Variants in POLR1A observed in about 807,000 individuals in gnomAD.
The protein encoded by POLR1A is RNA polymerase I subunit A, also known as DNA-directed RNA polymerase I subunit RPA1.
In POLR1A, 84 loss-of-function variants were observed where a neutral mutation model predicts 205.3. That is an observed-to-expected ratio of 0.41 (90% CI 0.34 to 0.49). The LOEUF (loss-of-function observed/expected upper bound fraction) is 0.49, where lower values mean the gene tolerates loss of function less well. POLR1A is among the 20% of genes least tolerant of loss of function. The probability of loss-of-function intolerance (pLI) is 0.22; values close to 1 mark genes in which losing one functional copy is unlikely to be tolerated. For synonymous variants in POLR1A, 799 were observed against 863.7 expected (o/e 0.93, Z 1.31); for missense variants, 1,645 against 2,204.5 (o/e 0.75, Z 5.08).
At chr2:86,030,553 GCT>G (rs1390732833) in intron 30 of POLR1A, among the ~76,000 whole-genome samples, 157 bp from the exon 31 acceptor site, 1 of 152,138 alleles carries the variant, frequency 6.6e-6, no homozygotes, top group Non-Finnish European at 1.5e-5. Context: ...ATTGGAGATG[GCT>G]GAACTGTGTA....
intron 20 of POLR1A, 66 bp downstream of exon 20, chr2:86,045,551 A>AT: frequency 6.4e-7 from 1 of 1,550,512 alleles, no homozygotes; most frequent in Non-Finnish European, 8.9e-7. Context: ...TAGGGCAGTC[A>AT]TAGTTCACCT....
chr2:86,038,893 C>A (rs771157463), intron 26 of POLR1A, 36 bp from the exon 27 acceptor site: 2 of 1,609,010 alleles, frequency 1.2e-6, no homozygotes, highest in East Asian at 4.5e-5. Context: ...TTGACTTGTT[C>A]AGGTCCTAGG....
rs751013341 is a variant in POLR1A at position 86,027,546 on chromosome 2, T to A, written c.5063-23A>T. 1.9e-6 allele frequency: 3 copies of A among 1,592,238 alleles called. No individual in the cohort carries two copies. The African/African-American group carries it at 4.0e-5, about 21-fold the overall frequency. ...ATCCTGACAGAGACACAAAAACATG[T>A]GTCAGGGTGTTGAGGTAGAAGTTGG... On this transcript the variant is annotated intron_variant, in intron 33 of 33. Coordinates refer to ENST00000263857, the MANE Select transcript of POLR1A (RefSeq NM_015425.6).
At chr2:86,066,243 G>A (rs945558667) in intron 13 of POLR1A, among the ~76,000 whole-genome samples, 1 of 152,148 alleles carries the variant, frequency 6.6e-6, no homozygotes, top group African/African-American at 2.4e-5. Flanking sequence ...GTGCATGACT[G>A]CAGAAGGGAG....
rs554973951 is a variant in POLR1A at position 86,070,353 on chromosome 2, G to T, written c.1612-81C>A. 3.8e-5 allele frequency: 55 copies of T among 1,440,994 alleles called. No homozygotes were observed. Among genetic ancestry groups the T allele is most frequent in the East Asian group, 9.2e-5 (4 of 43,456 alleles). The allele number at this position is 1,440,994 out of a possible 1,614,324, so 89.3% of individuals were successfully genotyped here. ...TCTTTCCAAGTGCTCACCTCAGCTT[G>T]ACCAAGGTGTGGCTTTTGTCTCACG... On this transcript the variant is annotated intron_variant, in intron 12 of 33. Coordinates refer to ENST00000263857, the MANE Select transcript of POLR1A (RefSeq NM_015425.6). The surrounding 1 kb of genome is among the most constrained non-coding windows in gnomAD (Gnocchi z 4.4).
chr2:86,099,718 G>A (rs576031218), intron 2 of POLR1A, among the ~76,000 whole-genome samples: 1 of 151,988 alleles, frequency 6.6e-6, no homozygotes, highest in Non-Finnish European at 1.5e-5. Flanking sequence ...AACTCTCCCC[G>A]ACCCTCCACG....
At chr2:86,032,195 C>G in intron 29 of POLR1A, 77 bp downstream of exon 29, 1 of 1,003,758 alleles carries the variant, frequency 1.0e-6, no homozygotes, top group Non-Finnish European at 1.6e-6. Flanking sequence ...GGCCTGGGTG[C>G]CGGGAGATAA....
In POLR1A at chr2:86,027,376, C is replaced by A. The variant is rs1199329586; in HGVS notation, c.*47G>T. On this transcript the variant is annotated 3_prime_UTR_variant, in exon 34 of 34. Coordinates refer to ENST00000263857, the MANE Select transcript of POLR1A (RefSeq NM_015425.6). The stretch of plus-strand genomic sequence containing the variant: ...ATGCAGAAGGCAGGCTGGGCCACGC[C>A]CTCACCAAGGGTCCTTGGAGCTGGG... The A allele has an allele frequency of 4.0e-6, 6 of 1,503,874 alleles. No individual in the cohort carries two copies. Among genetic ancestry groups the A allele is most frequent in the Non-Finnish European group, 9.3e-7 (1 of 1,079,620 alleles). 93.2% of individuals were successfully genotyped at this position (1,503,874 alleles called of 1,614,324 possible).
In POLR1A at chr2:86,078,194, G is replaced by A; in HGVS notation, c.1177C>T (p.Arg393Cys). The change falls in exon 10 of 34, where the codon CGC (arginine) becomes TGC (cysteine). Residue 393 changes from arginine to cysteine, a missense_variant. Around this residue, in one of 16 missense-constraint regions of POLR1A, gnomAD observed 131 missense variants for 214.5 expected, o/e 0.61. Transcript: ENST00000263857. ...LIDKLYNIWIRLQSHVNIVFD... is the reference protein window; with the variant it reads ...LIDKLYNIWICLQSHVNIVFD... ...ACAATATTGACGTGGCTCTGAAGGC[G>A]AATCCAAATGTTGTAAAGTTTGTCT... is the stretch of plus-strand genomic sequence containing the variant. The A allele has an allele frequency of 1.9e-6, 3 of 1,613,184 alleles. No individual in the cohort carries two copies. Among genetic ancestry groups the A allele is most frequent in the Non-Finnish European group, 2.5e-6 (3 of 1,179,840 alleles).
chr2:86,030,147 G>T, intron 31 of POLR1A, 49 bp downstream of exon 31: 1 of 1,482,650 alleles, frequency 6.7e-7, no homozygotes, highest in Non-Finnish European at 9.4e-7. Flanking sequence ...GAGACAACGT[G>T]GGGTGAGGAC....
chr2:86,029,762 A>AT lies in POLR1A; in HGVS notation c.4779+433dup, dbSNP rs956846530. On this transcript the variant is annotated intron_variant, in intron 31 of 33. Coordinates refer to ENST00000263857, the MANE Select transcript of POLR1A (RefSeq NM_015425.6). ...CAGGCACCCGTCACCATGCCCGGCT[A>AT]TTTTTTTTTTGTATTTTTTAGTAGA... 4.9e-4 allele frequency among the ~76,000 whole-genome samples: 71 copies of AT among 143,764 alleles called. 1 individual carries two copies. The highest frequency in any genetic ancestry group is 3.6e-3 in the Middle Eastern group (1 of 278). The allele number at this position is 143,764 out of a possible 152,430, so 94.3% of individuals were successfully genotyped here.
intron 18 of POLR1A, among the ~76,000 whole-genome samples, chr2:86,048,403 GC>G (rs1672743543): frequency 6.6e-6 from 1 of 152,184 alleles, no homozygotes; most frequent in Non-Finnish European, 1.5e-5. Flanking sequence ...GTGAGGTGGT[GC>G]CCCTCACAGC....
chr2:86,056,814 C>A (rs1021995613), intron 14 of POLR1A, among the ~76,000 whole-genome samples: 2 of 152,172 alleles, frequency 1.3e-5, no homozygotes, highest in African/African-American at 4.8e-5. Flanking sequence ...GTTTTGCTGA[C>A]TATTTCAAGT....
intron 3 of POLR1A, among the ~76,000 whole-genome samples, chr2:86,095,760 C>T (rs1314152066): frequency 7.3e-5 from 11 of 150,206 alleles, no homozygotes. Flanking sequence ...TGGAGTCTTG[C>T]TCTGTTACCC....
At chr2:86,039,982 C>T (rs1276665580) in intron 25 of POLR1A, 1 of 193,032 alleles carries the variant, frequency 5.2e-6, no homozygotes, top group Non-Finnish European at 1.1e-5. Context: ...TCCCCTTGTC[C>T]AGCACATATA....
intron 9 of POLR1A, 53 bp downstream of exon 9, chr2:86,080,763 G>A: frequency 7.9e-7 from 1 of 1,262,094 alleles, no homozygotes; most frequent in Non-Finnish European, 1.1e-6. Context: ...ACAGCTCACA[G>A]AGTTAGCACT....
At chr2:86,090,251 C>A (rs901588712) in intron 3 of POLR1A, among the ~76,000 whole-genome samples, 1 of 151,944 alleles carries the variant, frequency 6.6e-6, no homozygotes, top group African/African-American at 2.4e-5. Context: ...AAAACTTAGC[C>A]AGGTGTGGTG....
At chr2:86,033,436 G>A (rs958027553) in intron 28 of POLR1A, among the ~76,000 whole-genome samples, 3 of 152,262 alleles carry the variant, frequency 2.0e-5, no homozygotes, top group Non-Finnish European at 2.9e-5. Flanking sequence ...GGCCTGCCCC[G>A]GGGCTGGCTA....
rs1050472014 is a variant in POLR1A at position 86,039,475 on chromosome 2, A to G, written c.3741-13T>C. On this transcript the variant is annotated splice_polypyrimidine_tract_variant and intron_variant, in intron 25 of 33. Coordinates refer to ENST00000263857, the MANE Select transcript of POLR1A (RefSeq NM_015425.6). ...AATCTCCCGCAACCTGTCACAGAAT[A>G]AGGGCACATCCAATCATGAGTGGCA... 2 of 1,613,948 alleles carry G rather than the reference A, an allele frequency of 1.2e-6. No individual in the cohort carries two copies. Among genetic ancestry groups the G allele is most frequent in the African/African-American group, 1.3e-5 (1 of 74,900 alleles).
Sources: allele counts gnomAD v4.1 joint callset (sites outside exome capture counted in the v4.1 genomes callset), GRCh38; gene constraint gnomAD v4.1.1; regional missense constraint gnomAD v4.1.1; non-coding constraint Gnocchi (gnomAD v3.1); transcripts MANE v1.5; gene names NCBI Gene and HGNC (gene_info 2026-07-23, HGNC 2026-07-21).